The following LIFR variants were observed in gnomAD, a reference collection of about 807,000 sequenced individuals.
The protein encoded by LIFR is leukemia inhibitory factor receptor.
A neutral mutation model predicts 122.2 loss-of-function variants in LIFR; 84 were observed. The observed-to-expected ratio is 0.69, with a 90% CI of 0.58 to 0.82. The LOEUF is 0.82. LIFR is among the 40% of genes least tolerant of loss of function. The probability of loss-of-function intolerance (pLI) is 0.00; values close to 1 mark genes in which losing one functional copy is unlikely to be tolerated. For synonymous variants in LIFR, 422 were observed against 434.7 expected, an observed-to-expected ratio of 0.97 and a Z score of 0.36; for missense variants, 1,294 against 1,311.6, an observed-to-expected ratio of 0.99 and a Z score of 0.21.
At chr5:38,490,086 T>TGA in intron 15 of LIFR, 104 bp downstream of exon 15, 1 of 485,724 alleles carries the variant, frequency 2.1e-6, no homozygotes, top group Non-Finnish European at 3.8e-6. Context: ...TTACCTTCCT[T>TGA]CAATTATACA....
intron 1 of LIFR, among the ~76,000 whole-genome samples, chr5:38,587,928 C>A (rs1561228852): frequency 6.6e-6 from 1 of 152,170 alleles, no homozygotes; most frequent in African/African-American, 2.4e-5. Context: ...GATTCAAAGG[C>A]CCTGGCCTGG....
At chr5:38,536,126 T>A (rs1747282978) in intron 1 of LIFR, among the ~76,000 whole-genome samples, 1 of 152,140 alleles carries the variant, frequency 6.6e-6, no homozygotes, top group African/African-American at 2.4e-5. Context: ...CAAATCAATG[T>A]AGAAATGGAA....
At chr5:38,538,907 C>T (rs7704969) in intron 1 of LIFR, among the ~76,000 whole-genome samples, 3 of 152,326 alleles carry the variant, frequency 2.0e-5, no homozygotes, top group East Asian at 1.9e-4. Context: ...ACGTCTATTC[C>T]GCAATCTTCT....
chr5:38,505,889 T>C lies in LIFR; in HGVS notation c.1291+16A>G, dbSNP rs749111169. 4 of 1,569,854 alleles carry C rather than the reference T, an allele frequency of 2.5e-6. No homozygotes were observed. The highest frequency in any genetic ancestry group is 3.5e-6 in the Non-Finnish European group (4 of 1,147,470). ...TTTAAAGTTATTTTTAAGACATTAG[T>C]TTATGTACAGCTTACCTTTTTCAGT... On this transcript the variant is annotated intron_variant, in intron 9 of 19. Coordinates refer to ENST00000453190, the MANE Select transcript of LIFR (RefSeq NM_001127671.2).
intron 1 of LIFR, among the ~76,000 whole-genome samples, chr5:38,586,704 G>A (rs1357478563): frequency 1.3e-5 from 2 of 152,108 alleles, no homozygotes; most frequent in African/African-American, 4.8e-5. Context: ...TACACCTGGA[G>A]TGTAGCCAGA....
intron 1 of LIFR, among the ~76,000 whole-genome samples, chr5:38,578,096 A>G (rs978695759): frequency 1.3e-5 from 2 of 152,212 alleles, no homozygotes; most frequent in African/African-American, 4.8e-5. Context: ...CATCTAGTTT[A>G]AAATTCAGAT....
intron 1 of LIFR, among the ~76,000 whole-genome samples, chr5:38,567,159 G>A (rs943196945): frequency 7.9e-5 from 12 of 152,136 alleles, no homozygotes; most frequent in African/African-American, 2.2e-4. Context: ...CTTTCACTGC[G>A]TTCGTTGAAA....
chr5:38,591,098 A>C lies in LIFR; in HGVS notation c.-20+4163T>G, dbSNP rs190141281. 6.6e-5 allele frequency among the ~76,000 whole-genome samples: 10 copies of C among 152,354 alleles called. No homozygotes were observed. In the East Asian group the frequency reaches 1.7e-3, roughly 26 times the overall value. Reference sequence around the variant, plus strand: ...AGTATCTGTCCAGAAGACCTGCCCTAGTTTCATTTAATCTTCACAACAACC... The same window carrying C: ...AGTATCTGTCCAGAAGACCTGCCCTCGTTTCATTTAATCTTCACAACAACC... On this transcript the variant is annotated intron_variant, in intron 1 of 19. Transcript: ENST00000263409.
rs892157715 is a variant in LIFR at position 38,480,163 on chromosome 5, C to T, written c.*1432G>A. ...ACAAACAAAAAAGACATATCTTATT[C>T]GGACACTTAAAATTTTCAAGTACTT... On this transcript the variant is annotated 3_prime_UTR_variant, in exon 20 of 20. Coordinates refer to ENST00000453190, the MANE Select transcript of LIFR (RefSeq NM_001127671.2). 8 of 228,680 alleles carry T rather than the reference C, an allele frequency of 3.5e-5. No individual in the cohort carries two copies. The highest frequency in any genetic ancestry group is 6.7e-5 in the African/African-American group (3 of 45,024). 14.2% of individuals were successfully genotyped at this position (228,680 alleles called of 1,614,324 possible). A position where few individuals can be genotyped will look rare whatever the true frequency, so the allele number is the denominator to read the frequency against.
At chr5:38,552,706 A>G (rs1748268415) in intron 1 of LIFR, among the ~76,000 whole-genome samples, 1 of 152,266 alleles carries the variant, frequency 6.6e-6, no homozygotes, top group Non-Finnish European at 1.5e-5. Flanking sequence ...ATTGACTTAA[A>G]GCAACAGTTT....
rs1424683209 is a variant in LIFR at position 38,502,677 on chromosome 5, G to A, written c.1560C>T (p.Ser520=). 4 of 1,613,370 alleles carry A rather than the reference G, an allele frequency of 2.5e-6. No homozygotes were observed. The highest frequency in any genetic ancestry group is 1.7e-4 in the Middle Eastern group (1 of 6,018). Residue 520 remains serine, a synonymous_variant, in exon 11 of 20, where the codon AGC becomes AGT. Transcript: ENST00000453190. ...AATGTTGTTTTTTATTGCTCCATTT[G>A]CTCCATTTCCAGAAAGTTTCAGTAG... ...RCSTETFWKW[S]KWSNKKQHLT...
In LIFR at chr5:38,496,388, G is replaced by C; in HGVS notation, c.1879C>G (p.Pro627Ala). The change falls in exon 13 of 20, where the codon CCA becomes GCA. Residue 627 changes from proline (P) to alanine (A), a missense_variant. Transcript: ENST00000453190. ...PPSKIASMEI[P>A]NDDLKIEQVV... ...AATCATCTCAAGCACTCACCATTTG[G>C]AATTTCCATACTCGCTATTTTGGAA... 2 of 1,611,000 alleles carry C rather than the reference G, an allele frequency of 1.2e-6. No individual in the cohort carries two copies. Among genetic ancestry groups the C allele is most frequent in the South Asian group, 1.1e-5 (1 of 91,008 alleles).
intron 1 of LIFR, among the ~76,000 whole-genome samples, chr5:38,553,797 TAGGCTCA>T (rs1748371386): frequency 6.6e-6 from 1 of 150,874 alleles, no homozygotes. Flanking sequence ...TATAATGTAT[TAGGCTCA>T]ATTTCTAGCA....
At position 38,477,539 on chromosome 5, in the gene LIFR, C is replaced by A. The variant is rs73077449; in HGVS notation, c.*4056G>T. ...GGCTGGTACAAACATGCCCCAGTTGCACACCCATCAAAGAAGAAGAAATTA... is the reference window on the plus strand; with the variant it reads ...GGCTGGTACAAACATGCCCCAGTTGAACACCCATCAAAGAAGAAGAAATTA... On this transcript the variant is annotated 3_prime_UTR_variant, in exon 20 of 20. Coordinates refer to ENST00000453190, the MANE Select transcript of LIFR (RefSeq NM_001127671.2). The A allele has an allele frequency of 0.025, 5,372 of 215,986 alleles. 516 individuals carry two copies. The East Asian group carries it at 0.26, about 10-fold the overall frequency. 13.4% of individuals were successfully genotyped at this position (215,986 alleles called of 1,614,324 possible). A position where few individuals can be genotyped will look rare whatever the true frequency, so the allele number is the denominator to read the frequency against.
At chr5:38,541,827 A>G in intron 1 of LIFR, among the ~76,000 whole-genome samples, 1 of 152,250 alleles carries the variant, frequency 6.6e-6, no homozygotes, top group East Asian at 1.9e-4. Context: ...GATAATGTTG[A>G]TAACAATAAC....
intron 5 of LIFR, among the ~76,000 whole-genome samples, chr5:38,514,076 T>C (rs1032579435): frequency 6.6e-6 from 1 of 151,646 alleles, no homozygotes; most frequent in African/African-American, 2.4e-5. Context: ...AATAAACATA[T>C]GAATAGAAAT....
chr5:38,510,858 AATG>A lies in LIFR; in HGVS notation c.737-143_737-141del, dbSNP rs1294346413. 22 of 678,366 alleles carry A rather than the reference AATG, an allele frequency of 3.2e-5. No individual in the cohort carries two copies. The African/African-American group carries it at 4.0e-4, about 12-fold the overall frequency. The allele number at this position is 678,366 out of a possible 1,614,324, so 42.0% of individuals were successfully genotyped here. A position where few individuals can be genotyped will look rare whatever the true frequency, so the allele number is the denominator to read the frequency against. Reference sequence around the variant, plus strand: ...CACTACAAACTGTTAGGTGCTTTGTAATGATAATGGTCCAAAGATAAGGTGTGT... The same window carrying A: ...CACTACAAACTGTTAGGTGCTTTGTAATAATGGTCCAAAGATAAGGTGTGT... On this transcript the variant is annotated intron_variant, in intron 6 of 19. Coordinates refer to ENST00000453190, the MANE Select transcript of LIFR (RefSeq NM_001127671.2).
At chr5:38,496,712 G>A in intron 12 of LIFR, 117 bp from the exon 13 acceptor site, 2 of 763,582 alleles carry the variant, frequency 2.6e-6, no homozygotes, top group Non-Finnish European at 4.6e-6. Flanking sequence ...CAGGCGTGGT[G>A]ACTCACGCTT....
intron 10 of LIFR, among the ~76,000 whole-genome samples, chr5:38,503,033 T>C (rs1745274478): frequency 6.6e-6 from 1 of 152,050 alleles, no homozygotes; most frequent in Non-Finnish European, 1.5e-5. Context: ...GTAATAGTAA[T>C]AAAAAATTGG....
Sources: gnomAD v4.1 joint callset for allele counts (sites outside exome capture counted in the v4.1 genomes callset) on GRCh38, gnomAD v4.1.1 for gene constraint, MANE v1.5 for transcripts, NCBI Gene and HGNC (gene_info 2026-07-23, HGNC 2026-07-21) for gene names.